VPS13D: variants seen among roughly 807,000 people sequenced by gnomAD.
VPS13D encodes the protein vacuolar protein sorting 13 homolog D, also known as intermembrane lipid transfer protein VPS13D.
VPS13D carries 187 observed loss-of-function variants against 461.9 expected under a neutral mutation model. That is an observed-to-expected ratio of 0.40 (90% CI 0.36 to 0.46). The LOEUF is 0.46. VPS13D is among the 20% of genes least tolerant of loss of function. The pLI is 0.60. For missense variants in VPS13D, 4,711 were observed against 5,364.9 expected (o/e 0.88, Z 3.81); for synonymous variants, 1,951 against 1,986.3 (o/e 0.98, Z 0.47).
At chr1:12,488,094 G>C (rs547915660) in intron 67 of VPS13D, among the ~76,000 whole-genome samples, 1 of 152,210 alleles carries the variant, frequency 6.6e-6, no homozygotes, top group East Asian at 1.9e-4. Context: ...CCCACATGGG[G>C]TGTGCTCCTC....
intron 60 of VPS13D, among the ~76,000 whole-genome samples, chr1:12,391,829 C>T (rs1391255956): frequency 6.6e-6 from 1 of 152,016 alleles, no homozygotes; most frequent in East Asian, 1.9e-4. Context: ...TGGGGATAAA[C>T]ACTTTTACTC....
intron 55 of VPS13D, among the ~76,000 whole-genome samples, chr1:12,377,622 C>A (rs1255955156): frequency 1.3e-5 from 2 of 151,600 alleles, no homozygotes; most frequent in Non-Finnish European, 1.5e-5. Flanking sequence ...GAGTTTGAGA[C>A]CAGCCTGGCC....
In VPS13D at chr1:12,415,069, C is replaced by T. The variant is rs747752438; in HGVS notation, c.12031-18C>T. On this transcript the variant is annotated intron_variant, in intron 63 of 69. Coordinates refer to ENST00000620676, the MANE Select transcript of VPS13D (RefSeq NM_015378.4). ...ATCATATGACTTAAGTATGTCATTT[C>T]CTTTCTTCCCTAATTAGGCCCTAAA... 3.2e-5 allele frequency: 52 copies of T among 1,613,168 alleles called. No homozygotes were observed. In the South Asian group the frequency reaches 3.5e-4, roughly 11 times the overall value.
Position 12,291,128 on chromosome 1 carries a change from A to G in VPS13D, c.5852+4A>G. On this transcript the variant is annotated splice_donor_region_variant and intron_variant, in intron 23 of 69. Coordinates refer to ENST00000620676, the MANE Select transcript of VPS13D (RefSeq NM_015378.4). ...CACTCATCTTCCAGACTTTTAAGTA[A>G]AAATGTCAATCTTTTTCTGACTTGA... 6.2e-7 allele frequency: 1 copy of G among 1,610,170 alleles called. No individual in the cohort carries two copies. The highest frequency in any genetic ancestry group is 8.5e-7 in the Non-Finnish European group (1 of 1,178,782).
intron 13 of VPS13D, among the ~76,000 whole-genome samples, chr1:12,265,156 G>A (rs891554824): frequency 2.0e-5 from 3 of 152,116 alleles, no homozygotes; most frequent in East Asian, 1.9e-4. Flanking sequence ...ATTACTGCTC[G>A]TGGATAATGC....
At chr1:12,485,300 C>G (rs1484282031) in intron 67 of VPS13D, among the ~76,000 whole-genome samples, 3 of 152,238 alleles carry the variant, frequency 2.0e-5, no homozygotes, top group Admixed American at 2.0e-4. Flanking sequence ...CAGTGACCCA[C>G]CAGCTTGCAA....
intron 63 of VPS13D, among the ~76,000 whole-genome samples, chr1:12,412,687 C>G (rs941887039): frequency 2.0e-5 from 3 of 152,114 alleles, no homozygotes; most frequent in East Asian, 3.9e-4. Flanking sequence ...AAGAGTAAAA[C>G]AATAAAACTT....
intron 67 of VPS13D, among the ~76,000 whole-genome samples, chr1:12,477,172 C>T (rs1439877743): frequency 1.3e-5 from 2 of 152,180 alleles, no homozygotes; most frequent in Admixed American, 6.5e-5. Context: ...CAGAAAAACA[C>T]GTATCAAGTC....
intron 63 of VPS13D, among the ~76,000 whole-genome samples, chr1:12,412,151 T>A (rs1005841456): frequency 2.0e-4 from 30 of 152,176 alleles, no homozygotes; most frequent in African/African-American, 7.0e-4. Flanking sequence ...AACATTATTG[T>A]GAAAAATTAA....
chr1:12,269,315 GT>G (rs1325510466), intron 16 of VPS13D, among the ~76,000 whole-genome samples: 7 of 152,030 alleles, frequency 4.6e-5, no homozygotes, highest in Non-Finnish European at 8.8e-5. Context: ...TCTTTTTTAG[GT>G]TTCTCAATTG....
At chr1:12,314,438 A>G in intron 30 of VPS13D, 111 bp downstream of exon 30, 1 of 1,033,422 alleles carries the variant, frequency 9.7e-7, no homozygotes, top group South Asian at 1.5e-5. Context: ...AGACAGATAA[A>G]TAGATAATGG....
At chr1:12,354,348 C>T in intron 47 of VPS13D, 127 bp downstream of exon 47, 1 of 1,209,018 alleles carries the variant, frequency 8.3e-7, no homozygotes, top group African/African-American at 1.5e-5. Context: ...TAAGCCAGCT[C>T]AAAGGAATCA....
intron 67 of VPS13D, among the ~76,000 whole-genome samples, chr1:12,474,119 G>A (rs1645598820): frequency 6.6e-6 from 1 of 152,146 alleles, no homozygotes; most frequent in Non-Finnish European, 1.5e-5. Context: ...TGTAGCAAAT[G>A]TCTCCAAACA....
In VPS13D at chr1:12,507,266, G is replaced by A; in HGVS notation, c.13035+173G>A. On this transcript the variant is annotated intron_variant, in intron 69 of 69. Coordinates refer to ENST00000620676, the MANE Select transcript of VPS13D (RefSeq NM_015378.4). This position sits in a 1 kb window ranked among gnomAD's most constrained non-coding sequence, Gnocchi z 5.3. ...GAGGGGCCCAGGGTATGTTCACGGG[G>A]CGATGCTGCCCTCCCAGCTGGCCCA... The A allele has an allele frequency of 1.7e-6, 2 of 1,199,538 alleles. No individual in the cohort carries two copies. Among genetic ancestry groups the A allele is most frequent in the Non-Finnish European group, 2.4e-6 (2 of 816,528 alleles). The allele number at this position is 1,199,538 out of a possible 1,614,324, so 74.3% of individuals were successfully genotyped here.
intron 23 of VPS13D, among the ~76,000 whole-genome samples, chr1:12,292,262 CAAAAAAAAAAAA>C (rs766212937): frequency 8.2e-5 from 1 of 12,244 alleles, no homozygotes; most frequent in Non-Finnish European, 1.4e-4. Context: ...AACTCCATCT[CAAAAAAAAAAAA>C]AAAAAAAAAA....
At chr1:12,428,170 G>A (rs753255204) in intron 65 of VPS13D, among the ~76,000 whole-genome samples, 66 of 152,306 alleles carry the variant, frequency 4.3e-4, no homozygotes, top group African/African-American at 1.3e-3. Flanking sequence ...TTCTAGAAGC[G>A]GGTGAGAGTC....
intron 46 of VPS13D, among the ~76,000 whole-genome samples, chr1:12,350,739 A>C (rs1197141414): frequency 2.0e-5 from 3 of 152,360 alleles, no homozygotes; most frequent in South Asian, 2.1e-4. Context: ...AAATCAGTGA[A>C]CTAGAAAATA....
intron 49 of VPS13D, 91 bp from the exon 50 acceptor site, chr1:12,358,368 G>A (rs1569995070): frequency 2.0e-6 from 3 of 1,520,104 alleles, no homozygotes; most frequent in Middle Eastern, 1.8e-4. Flanking sequence ...TGGAACTTGG[G>A]TGATAACTGT....
At chr1:12,398,830 A>C (rs770291006) in intron 60 of VPS13D, among the ~76,000 whole-genome samples, 1 of 152,172 alleles carries the variant, frequency 6.6e-6, no homozygotes, top group African/African-American at 2.4e-5. Flanking sequence ...AATTGTCTTG[A>C]AGGAATTTGG....
Sources: gnomAD v4.1 joint callset for allele counts (sites outside exome capture counted in the v4.1 genomes callset) on GRCh38, gnomAD v4.1.1 for gene constraint, Gnocchi (gnomAD v3.1) non-coding constraint, MANE v1.5 for transcripts, NCBI Gene and HGNC (gene_info 2026-07-23, HGNC 2026-07-21) for gene names.